The following KALRN variants were observed in gnomAD, a reference collection of about 807,000 sequenced individuals.
KALRN encodes kalirin.
KALRN carries 70 observed loss-of-function variants against 353.7 expected under a neutral mutation model. The ratio of observed to expected loss-of-function variants is 0.20; its 90% CI spans 0.16 to 0.24. The LOEUF is 0.24. Ranked by LOEUF, KALRN falls within the 10% of genes least tolerant of loss-of-function variation. KALRN has a pLI of 1.00. For missense variants in KALRN, 2,791 were observed against 3,756.7 expected, an observed-to-expected ratio of 0.74 and a Z score of 6.72; for synonymous variants, 1,391 against 1,434.8, an observed-to-expected ratio of 0.97 and a Z score of 0.69.
At chr3:124,309,425 G>T (rs567029197) in intron 6 of KALRN, among the ~76,000 whole-genome samples, 2 of 152,284 alleles carry the variant, frequency 1.3e-5, no homozygotes, top group Admixed American at 6.5e-5. Flanking sequence ...GCCAGACATG[G>T]TGGTGCTCAC....
At chr3:124,259,115 G>C (rs1206203176) in intron 3 of KALRN, among the ~76,000 whole-genome samples, 1 of 152,196 alleles carries the variant, frequency 6.6e-6, no homozygotes, top group African/African-American at 2.4e-5. Context: ...CTAAGGATAG[G>C]TGAAGACTTC....
At chr3:124,584,918 T>C (rs776582563) in intron 34 of KALRN, 2 of 1,587,310 alleles carry the variant, frequency 1.3e-6, no homozygotes, top group Non-Finnish European at 1.7e-6. Flanking sequence ...TGAGTGGCTG[T>C]CGGCGGCCTT....
At chr3:124,664,371 G>GTGTGTGTGCGCGCGCGCA (rs780486751) in intron 45 of KALRN, among the ~76,000 whole-genome samples, 5 of 77,076 alleles carry the variant, frequency 6.5e-5, no homozygotes, top group African/African-American at 5.3e-4. Flanking sequence ...GTGTGTGTGT[G>GTGTGTGTGCGCGCGCGCA]CGCGCGCGCG....
At chr3:124,106,239 A>C (rs1229320639) in intron 1 of KALRN, among the ~76,000 whole-genome samples, 1 of 152,142 alleles carries the variant, frequency 6.6e-6, no homozygotes, top group Non-Finnish European at 1.5e-5. Flanking sequence ...AATGATTTTT[A>C]AGTAGAAAAA....
At chr3:124,677,548 A>G (rs1395755858) in intron 49 of KALRN, 1 of 456,256 alleles carries the variant, frequency 2.2e-6, no homozygotes, top group Non-Finnish European at 4.4e-6. Context: ...CCATATATTC[A>G]CAAACACTGA....
intron 1 of KALRN, among the ~76,000 whole-genome samples, chr3:124,047,820 G>C (rs550137414): frequency 1.3e-5 from 2 of 151,990 alleles, no homozygotes; most frequent in East Asian, 3.9e-4. Flanking sequence ...TTTTTATATT[G>C]AAGTTTTTAA....
At chr3:124,271,826 G>A (rs1429359523) in intron 5 of KALRN, among the ~76,000 whole-genome samples, 2 of 152,158 alleles carry the variant, frequency 1.3e-5, no homozygotes, top group African/African-American at 2.4e-5. Flanking sequence ...GGACTCTTTT[G>A]GTCTGGTGAA....
At position 124,441,835 on chromosome 3, in the gene KALRN, A is replaced by G. The variant is rs2093676754; in HGVS notation, c.3199-110A>G. On this transcript the variant is annotated intron_variant, in intron 18 of 59. Coordinates refer to ENST00000682506, the MANE Select transcript of KALRN (RefSeq NM_001388419.1). ...AGTGAGACTCTGTCTCAAAAAAGAA[A>G]AAAAAAAAAAGCAAAAGAAAATATG... 5 of 631,038 alleles carry G rather than the reference A, an allele frequency of 7.9e-6. No individual in the cohort carries two copies. In the South Asian group the frequency reaches 1.1e-4, roughly 14 times the overall value. The allele number at this position is 631,038 out of a possible 1,614,324, so 39.1% of individuals were successfully genotyped here.
intron 13 of KALRN, among the ~76,000 whole-genome samples, chr3:124,400,011 T>C (rs1280148053): frequency 1.3e-5 from 2 of 152,180 alleles, no homozygotes; most frequent in Non-Finnish European, 2.9e-5. Flanking sequence ...AAAAGCCAAC[T>C]TTCCACCCAC....
intron 33 of KALRN, among the ~76,000 whole-genome samples, chr3:124,548,810 C>G (rs538692757): frequency 7.2e-4 from 110 of 152,314 alleles, no homozygotes; most frequent in Non-Finnish European, 1.2e-3. Context: ...TGTGCCACCA[C>G]GCCCGGCTAA....
chr3:124,448,131 A>C (rs1377011236), intron 21 of KALRN, among the ~76,000 whole-genome samples: 1 of 152,212 alleles, frequency 6.6e-6, no homozygotes, highest in African/African-American at 2.4e-5. Context: ...ATAGGATCAA[A>C]ATCTTTCCAT....
intron 10 of KALRN, among the ~76,000 whole-genome samples, chr3:124,353,941 G>A (rs1581266752): frequency 6.6e-6 from 1 of 152,322 alleles, no homozygotes; most frequent in East Asian, 1.9e-4. Flanking sequence ...CTAGGGAGAA[G>A]TTACTGGTAT....
intron 34 of KALRN, among the ~76,000 whole-genome samples, chr3:124,606,404 A>G (rs1346599862): frequency 6.6e-6 from 1 of 152,200 alleles, no homozygotes; most frequent in Non-Finnish European, 1.5e-5. Context: ...CATAGCTTGC[A>G]GCATTCACTT....
chr3:124,657,267 G>A (rs1262413671), intron 39 of KALRN, among the ~76,000 whole-genome samples, 181 bp from the exon 40 acceptor site: 1 of 151,898 alleles, frequency 6.6e-6, no homozygotes, highest in African/African-American at 2.4e-5. Flanking sequence ...ACTCATAAAA[G>A]TTTTCTCTAT....
rs2082240843 is a variant in KALRN, at chr3:124,642,819, T to TTTTTTTTTGTTTTG, written c.5664+5523_5664+5524insTGTTTTGTTTTTTT. Among the ~76,000 whole-genome samples the TTTTTTTTTGTTTTG allele has an allele frequency of 2.6e-4, 37 of 142,282 alleles. 1 individual carries two copies. Among genetic ancestry groups the TTTTTTTTTGTTTTG allele is most frequent in the Admixed American group, 5.1e-4 (7 of 13,756 alleles). The allele number at this position is 142,282 out of a possible 152,430, so 93.3% of individuals were successfully genotyped here. A position where few individuals can be genotyped will look rare whatever the true frequency, so the allele number is the denominator to read the frequency against. On this transcript the variant is annotated intron_variant, in intron 37 of 59. Transcript: ENST00000682506. The stretch of plus-strand genomic sequence containing the variant: ...TTCCCAAGCCTCGTTTTTTTTTTTT[T>TTTTTTTTTGTTTTG]TTTTTTTGAGACGGAGTTTTGCTCT...
chr3:124,113,603 A>G (rs2063193958), intron 1 of KALRN, among the ~76,000 whole-genome samples: 1 of 152,148 alleles, frequency 6.6e-6, no homozygotes, highest in Non-Finnish European at 1.5e-5. Context: ...TGACTGGGAT[A>G]TGTTTCCTGC....
intron 25 of KALRN, among the ~76,000 whole-genome samples, chr3:124,466,015 A>G (rs77032387): frequency 0.036 from 5,259 of 147,818 alleles, 296 homozygotes; most frequent in African/African-American, 0.12. Context: ...TGCAACCAGG[A>G]TTAGTTCTCT....
intron 24 of KALRN, 145 bp downstream of exon 24, chr3:124,462,101 A>G: frequency 1.5e-6 from 1 of 656,490 alleles, no homozygotes; most frequent in Non-Finnish European, 2.7e-6. Flanking sequence ...TCTTTCTCCT[A>G]AAGTCAACAA....
intron 1 of KALRN, among the ~76,000 whole-genome samples, chr3:124,071,411 A>T (rs1348302567): frequency 1.3e-5 from 2 of 152,238 alleles, no homozygotes; most frequent in Non-Finnish European, 1.5e-5. Context: ...ATCTCACCTA[A>T]GGCTGTCTGG....
Sources: allele counts gnomAD v4.1 joint callset (sites outside exome capture counted in the v4.1 genomes callset), GRCh38; gene constraint gnomAD v4.1.1; transcripts MANE v1.5; gene names NCBI Gene and HGNC (gene_info 2026-07-23, HGNC 2026-07-21).